Variants in ATP11A observed in about 807,000 individuals in gnomAD.
ATP11A encodes the protein ATPase phospholipid transporting 11A.
Under a neutral mutation model 154.4 loss-of-function variants are expected in ATP11A, and 81 were observed. That is an observed-to-expected ratio of 0.52 (90% confidence interval 0.44 to 0.63). The LOEUF is 0.63. Among genes scored for constraint, ATP11A ranks in the 30% least tolerant of loss-of-function variants. ATP11A has a pLI of 0.00. For synonymous variants in ATP11A, 623 were observed against 585.9 expected, an observed-to-expected ratio of 1.06 and a Z score of -0.91; for missense variants, 1,316 against 1,474.3, an observed-to-expected ratio of 0.89 and a Z score of 1.76.
At chr13:112,703,889 A>G (rs1017407166) in intron 1 of ATP11A, among the ~76,000 whole-genome samples, 1 of 152,138 alleles carries the variant, frequency 6.6e-6, no homozygotes, top group African/African-American at 2.4e-5. Flanking sequence ...ACAAAACGGG[A>G]TTGGGCCTGT....
rs1167050425 is a variant in ATP11A, at chr13:112,805,000, T to C, written c.206T>C (p.Phe69Ser). The change falls in exon 3 of 30, where the codon TTC (phenylalanine) becomes TCC (serine). Residue 69 changes from phenylalanine to serine, a missense_variant. Coordinates refer to ENST00000375645, the MANE Select transcript of ATP11A (RefSeq NM_015205.3). ...ATACCCAAGAATTTATTTGAACAAT[T>C]CAGAAGAGTAGCCAACTTTTATTTC... The part of the protein sequence containing the change: ...NFIPKNLFEQ[F>S]RRVANFYFLI... 1 of 1,612,408 alleles carries C rather than the reference T, an allele frequency of 6.2e-7. No homozygotes were observed. Among genetic ancestry groups the C allele is most frequent in the Non-Finnish European group, 8.5e-7 (1 of 1,179,428 alleles).
chr13:112,774,309 A>T (rs891503948), intron 1 of ATP11A, among the ~76,000 whole-genome samples: 1 of 152,194 alleles, frequency 6.6e-6, no homozygotes, highest in Non-Finnish European at 1.5e-5. Flanking sequence ...CAGGTGTCTT[A>T]CATCAAAGCT....
rs1010340969 is a variant in ATP11A at position 112,838,493 on chromosome 13, C to T, written c.1705+2242C>T. On this transcript the variant is annotated intron_variant, in intron 16 of 29. Transcript: ENST00000375645. The surrounding 1 kb of genome is among the most constrained non-coding windows in gnomAD (Gnocchi z 7.3). Reference sequence around the variant, plus strand: ...CCAAGAAGGCAAGCATCAGCCACCCCGGAGCCGCCCCTGCCGCGCACTCAC... The same window carrying T: ...CCAAGAAGGCAAGCATCAGCCACCCTGGAGCCGCCCCTGCCGCGCACTCAC... 5.9e-5 allele frequency among the ~76,000 whole-genome samples: 9 copies of T among 152,254 alleles called. No homozygotes were observed. Among genetic ancestry groups the T allele is most frequent in the Non-Finnish European group, 1.2e-4 (8 of 68,052 alleles).
chr13:112,781,368 T>G (rs1484522935), intron 1 of ATP11A, among the ~76,000 whole-genome samples: 1 of 152,144 alleles, frequency 6.6e-6, no homozygotes, highest in East Asian at 1.9e-4. Context: ...TGTCCCCGTT[T>G]ATGCACAGTA....
Position 112,881,741 on chromosome 13 carries a change from C to T in ATP11A, c.*10-135C>T. The T allele has an allele frequency of 8.3e-6, 11 of 1,327,554 alleles. No homozygotes were observed. In the South Asian group the frequency reaches 9.9e-5, roughly 12 times the overall value. The allele number at this position is 1,327,554 out of a possible 1,614,324, so 82.2% of individuals were successfully genotyped here. A position where few individuals can be genotyped will look rare whatever the true frequency, so the allele number is the denominator to read the frequency against. ...GGAGGCGATGGTAGTGAGTGCATCC[C>T]AGAGTGGCTCAGGTCACCCCAGGCA... On this transcript the variant is annotated intron_variant, in intron 29 of 29. Coordinates refer to ENST00000375645, the MANE Select transcript of ATP11A (RefSeq NM_015205.3).
chr13:112,761,694 A>G (rs926805976), intron 1 of ATP11A, among the ~76,000 whole-genome samples: 1 of 150,726 alleles, frequency 6.6e-6, no homozygotes, highest in East Asian at 1.9e-4. Context: ...AGGTTTGGGT[A>G]CTATCTCGGA....
intron 1 of ATP11A, among the ~76,000 whole-genome samples, chr13:112,728,969 G>C (rs1890198400): frequency 6.6e-6 from 1 of 152,152 alleles, no homozygotes; most frequent in Non-Finnish European, 1.5e-5. Context: ...ACAAGCAAAT[G>C]CAGTGATCAG....
intron 1 of ATP11A, among the ~76,000 whole-genome samples, chr13:112,719,080 G>A (rs1888845017): frequency 6.6e-6 from 1 of 152,094 alleles, no homozygotes; most frequent in African/African-American, 2.4e-5. Context: ...TATTTGAACT[G>A]TGTGTGTGTG....
chr13:112,768,444 C>T (rs767527613), intron 1 of ATP11A, among the ~76,000 whole-genome samples: 2 of 152,230 alleles, frequency 1.3e-5, no homozygotes, highest in Non-Finnish European at 2.9e-5. Context: ...CACAGACTGT[C>T]GCCAGCTGAG....
At chr13:112,793,037 A>G (rs1202998529) in intron 2 of ATP11A, among the ~76,000 whole-genome samples, 1 of 152,118 alleles carries the variant, frequency 6.6e-6, no homozygotes, top group Non-Finnish European at 1.5e-5. Flanking sequence ...TTATTATATC[A>G]TGTAATCTCT....
intron 1 of ATP11A, among the ~76,000 whole-genome samples, chr13:112,751,992 G>T (rs1330396851): frequency 1.3e-5 from 2 of 152,310 alleles, no homozygotes; most frequent in South Asian, 2.1e-4. Context: ...TGGCTAAGTC[G>T]TTCATCTTTT....
intron 1 of ATP11A, among the ~76,000 whole-genome samples, chr13:112,732,384 C>T (rs1396651680): frequency 6.6e-6 from 1 of 152,132 alleles, no homozygotes; most frequent in Non-Finnish European, 1.5e-5. Context: ...GTCTCTCTCT[C>T]CCCATCCTCT....
Position 112,785,254 on chromosome 13 carries a change from C to T in ATP11A, c.159C>T (p.Ser53=). 6.6e-7 allele frequency: 1 copy of T among 1,515,084 alleles called. No individual in the cohort carries two copies. Among genetic ancestry groups the T allele is most frequent in the Non-Finnish European group, 8.8e-7 (1 of 1,131,680 alleles). The allele number at this position is 1,515,084 out of a possible 1,614,324, so 93.9% of individuals were successfully genotyped here. A position where few individuals can be genotyped will look rare whatever the true frequency, so the allele number is the denominator to read the frequency against. The change falls in exon 2 of 30, where the codon TCC becomes TCT. Residue 53 remains serine, a synonymous_variant. Coordinates refer to ENST00000375645, the MANE Select transcript of ATP11A (RefSeq NM_015205.3). The surrounding 1 kb of genome is among the most constrained non-coding windows in gnomAD (Gnocchi z 4.8). ...ACCCAGACAACAGGATCGTCTCGTC[C>T]AAGGTAACTTGGCTTGGGTCTGAGT... The part of the protein sequence containing the change: ...QRYPDNRIVS[S]KYTFWNFIPK...
intron 1 of ATP11A, chr13:112,717,361 C>T (rs1470868115): frequency 1.3e-5 from 2 of 152,222 alleles, no homozygotes; most frequent in Non-Finnish European, 2.9e-5. Flanking sequence ...CAGCAGCTCT[C>T]TGCCTCCTTG....
intron 1 of ATP11A, among the ~76,000 whole-genome samples, chr13:112,758,005 G>A (rs1446755347): frequency 2.0e-5 from 3 of 152,184 alleles, no homozygotes; most frequent in Non-Finnish European, 2.9e-5. Context: ...GCACGAGTGC[G>A]GGACACATGC....
intron 5 of ATP11A, chr13:112,811,820 C>G (rs1172727177): frequency 6.6e-6 from 1 of 152,188 alleles, no homozygotes; most frequent in Non-Finnish European, 1.5e-5. Context: ...GTTGGCCAGA[C>G]TGGTCTCGAT....
At chr13:112,723,962 A>G (rs1255126583) in intron 1 of ATP11A, among the ~76,000 whole-genome samples, 3 of 152,096 alleles carry the variant, frequency 2.0e-5, no homozygotes, top group South Asian at 4.1e-4. Context: ...ATACCACTTA[A>G]TGTACATACA....
chr13:112,797,426 T>G (rs375684837), intron 2 of ATP11A, among the ~76,000 whole-genome samples: 13 of 150,802 alleles, frequency 8.6e-5, no homozygotes, highest in East Asian at 3.9e-4. Context: ...AGCTCAGAGA[T>G]AAATACAAAA....
intron 1 of ATP11A, among the ~76,000 whole-genome samples, chr13:112,701,583 A>G (rs1330335992): frequency 6.6e-6 from 1 of 152,210 alleles, no homozygotes; most frequent in Non-Finnish European, 1.5e-5. Flanking sequence ...CTGTAATCGC[A>G]GCACTTTGGG....
Sources: gnomAD v4.1 joint callset for allele counts (sites outside exome capture counted in the v4.1 genomes callset) on GRCh38, gnomAD v4.1.1 for gene constraint, Gnocchi (gnomAD v3.1) non-coding constraint, MANE v1.5 for transcripts, NCBI Gene and HGNC (gene_info 2026-07-23, HGNC 2026-07-21) for gene names.